Variants in TIAM2 observed in about 807,000 individuals in gnomAD.
TIAM2 encodes the protein rho guanine nucleotide exchange factor TIAM2.
In TIAM2, 80 loss-of-function variants were observed where a neutral mutation model predicts 152.9. The observed-to-expected ratio is 0.52, with a 90% confidence interval of 0.44 to 0.63. The LOEUF (loss-of-function observed/expected upper bound fraction) is 0.63, where lower values mean the gene tolerates loss of function less well. Among genes scored for constraint, TIAM2 ranks in the 30% least tolerant of loss-of-function variants. TIAM2 has a pLI of 0.00. For synonymous variants in TIAM2, 804 were observed against 838.0 expected (o/e 0.96, Z 0.70); for missense variants, 1,965 against 2,120.1 (o/e 0.93, Z 1.44).
At position 155,254,441 on chromosome 6, in the gene TIAM2, A is replaced by G. The variant is rs192204648; in HGVS notation, c.4336A>G (p.Ile1446Val). 7 of 1,612,978 alleles carry G rather than the reference A, an allele frequency of 4.3e-6. No homozygotes were observed. The East Asian group carries it at 6.7e-5, about 15-fold the overall frequency. Residue 1446 changes from isoleucine (I) to valine (V), a missense_variant, in exon 26 of 27, where the codon ATT (isoleucine) becomes GTT (valine). By Grantham distance (29) the Ile-to-Val change is conservative. Transcript: ENST00000682666. ...CAGTGACAGTGAAAGCAAAACCAAC[A>G]TTGTTAAGGTGATTCGTTCTATTCT... ...CCSDSESKTN[I>V]VKVIRSILRE...
At chr6:155,169,277 A>T (rs1780518808) in intron 9 of TIAM2, among the ~76,000 whole-genome samples, 4 of 152,190 alleles carry the variant, frequency 2.6e-5, no homozygotes, top group Admixed American at 2.6e-4. Flanking sequence ...TGACAGGGTG[A>T]GCCACAGCAC....
At chr6:155,220,099 T>C (rs1470865270) in intron 15 of TIAM2, among the ~76,000 whole-genome samples, 7 of 152,196 alleles carry the variant, frequency 4.6e-5, no homozygotes, top group African/African-American at 9.7e-5. Context: ...AAGTGGGTCC[T>C]TGGACAGAGG....
At chr6:155,089,366 C>T (rs963240706) in intron 1 of TIAM2, among the ~76,000 whole-genome samples, 4 of 152,124 alleles carry the variant, frequency 2.6e-5, no homozygotes, top group African/African-American at 7.2e-5. Context: ...GCCACCATAT[C>T]CAGCTAATTT....
At chr6:155,094,730 TTTTTTTTGTTTTTTTG>T (rs913108742) in intron 2 of TIAM2, among the ~76,000 whole-genome samples, 1 of 143,116 alleles carries the variant, frequency 7.0e-6, no homozygotes, top group South Asian at 2.2e-4. Context: ...TATGGTTTTT[TTTTTTTTGTTTTTTTG>T]TTTTTTTGTT....
intron 2 of TIAM2, among the ~76,000 whole-genome samples, chr6:155,115,887 G>T (rs952698902): frequency 6.6e-6 from 1 of 152,262 alleles, no homozygotes; most frequent in African/African-American, 2.4e-5. Flanking sequence ...CGAGGTGGGC[G>T]GCTCACCTGA....
At chr6:155,095,733 ATTAGGAATCTTCCAGC>A (rs1256125470) in intron 2 of TIAM2, among the ~76,000 whole-genome samples, 3 of 152,234 alleles carry the variant, frequency 2.0e-5, no homozygotes, top group Non-Finnish European at 4.4e-5. Flanking sequence ...AATTAAACTT[ATTAGGAATCTTCCAGC>A]TTGAACAATT....
chr6:155,088,779 C>A (rs990215777), intron 1 of TIAM2, among the ~76,000 whole-genome samples: 1 of 152,206 alleles, frequency 6.6e-6, no homozygotes, highest in Non-Finnish European at 1.5e-5. Context: ...CGTAAAATTT[C>A]TTTAAACATT....
chr6:155,218,980 G>A lies in TIAM2; in HGVS notation c.3168+7673G>A, dbSNP rs112894946. 1.5e-3 allele frequency among the ~76,000 whole-genome samples: 169 copies of A among 110,308 alleles called. No individual in the cohort carries two copies. Among genetic ancestry groups the A allele is most frequent in the African/African-American group, 6.0e-3 (163 of 27,188 alleles). The allele number at this position is 110,308 out of a possible 152,430, so 72.4% of individuals were successfully genotyped here. A position where few individuals can be genotyped will look rare whatever the true frequency, so the allele number is the denominator to read the frequency against. On this transcript the variant is annotated intron_variant, in intron 15 of 26. Coordinates refer to ENST00000682666, the MANE Select transcript of TIAM2 (RefSeq NM_012454.4). This position sits in a 1 kb window ranked among gnomAD's most constrained non-coding sequence, Gnocchi z 4.5. ...TCTTGACCATCTCAGCCGCCCACCC[G>A]TGTTCTTGACCATCTCAGCCGTGTT...
At chr6:155,182,113 C>A (rs111722632) in intron 12 of TIAM2, 113 bp from the exon 13 acceptor site, 41 of 827,904 alleles carry the variant, frequency 5.0e-5, no homozygotes, top group African/African-American at 4.6e-4. Context: ...TTTCGACTTT[C>A]TCAACATACT....
intron 14 of TIAM2, among the ~76,000 whole-genome samples, chr6:155,204,579 G>A (rs1781552247): frequency 6.6e-6 from 1 of 152,134 alleles, no homozygotes; most frequent in Admixed American, 6.5e-5. Flanking sequence ...ATTATATTAA[G>A]AATGATTTTT....
At chr6:155,193,017 C>T (rs997102134) in intron 14 of TIAM2, among the ~76,000 whole-genome samples, 3 of 152,148 alleles carry the variant, frequency 2.0e-5, no homozygotes, top group South Asian at 2.1e-4. Flanking sequence ...TTTACTCATG[C>T]GTGATTTCAT....
chr6:155,134,076 C>T (rs1398018248), intron 4 of TIAM2, among the ~76,000 whole-genome samples: 1 of 152,034 alleles, frequency 6.6e-6, no homozygotes, highest in African/African-American at 2.4e-5. Flanking sequence ...CATCAAGTTA[C>T]ATTAGCCCTT....
intron 1 of TIAM2, among the ~76,000 whole-genome samples, chr6:155,019,835 A>G (rs1469728683): frequency 6.6e-6 from 1 of 152,198 alleles, no homozygotes; most frequent in Non-Finnish European, 1.5e-5. Flanking sequence ...CGGGCGGATC[A>G]CGAGGTCAAG....
chr6:155,084,122 G>C (rs568707908), intron 1 of TIAM2, among the ~76,000 whole-genome samples: 4 of 152,240 alleles, frequency 2.6e-5, no homozygotes, highest in South Asian at 4.1e-4. Flanking sequence ...ATCTACCTGG[G>C]GCACTGCATG....
intron 15 of TIAM2, among the ~76,000 whole-genome samples, chr6:155,220,169 C>T (rs1330088458): frequency 3.3e-5 from 5 of 152,180 alleles, no homozygotes; most frequent in Admixed American, 2.6e-4. Context: ...CTAACTGGGG[C>T]CAAAGAGAAA....
chr6:155,025,812 TC>T (rs1776588777), intron 1 of TIAM2, among the ~76,000 whole-genome samples: 1 of 112,694 alleles, frequency 8.9e-6, no homozygotes. Context: ...TGTGAGCACC[TC>T]CCCCTCAAAC....
rs1310964984 is a variant in TIAM2, at chr6:155,253,012, T to G, written c.4184T>G (p.Ile1395Ser). 1.9e-6 allele frequency: 3 copies of G among 1,614,164 alleles called. No homozygotes were observed. The South Asian group carries it at 3.3e-5, about 18-fold the overall frequency. The change falls in exon 24 of 27, where the codon ATC becomes AGC. Residue 1395 changes from isoleucine (I) to serine (S), a missense_variant. By Grantham distance (142) the Ile-to-Ser change is moderately radical. Transcript: ENST00000682666. ...GACCCATTTAAATTCCGCTGGTTGA[T>G]CCCCATCTCCGCGCTTCAAGTCAGA... The part of the protein sequence containing the change: ...DLDPFKFRWL[I>S]PISALQVRLG...
chr6:155,257,150 T>C lies in TIAM2; in HGVS notation c.*29T>C. ...GATTCAATCCAGATATGGGTTAAATTCCTCATTTTACTTTTAAACTGGTGG... is the reference window on the plus strand; with the variant it reads ...GATTCAATCCAGATATGGGTTAAATCCCTCATTTTACTTTTAAACTGGTGG... On this transcript the variant is annotated 3_prime_UTR_variant, in exon 27 of 27. Coordinates refer to ENST00000682666, the MANE Select transcript of TIAM2 (RefSeq NM_012454.4). 1 of 1,580,810 alleles carries C rather than the reference T, an allele frequency of 6.3e-7. No individual in the cohort carries two copies. The highest frequency in any genetic ancestry group is 8.6e-7 in the Non-Finnish European group (1 of 1,157,676).
At chr6:155,140,081 C>T (rs1021343826) in intron 5 of TIAM2, among the ~76,000 whole-genome samples, 5 of 152,218 alleles carry the variant, frequency 3.3e-5, no homozygotes, top group Non-Finnish European at 7.3e-5. Context: ...TGATCTTTAG[C>T]TACCTCATTA....
Sources: allele counts gnomAD v4.1 joint callset (sites outside exome capture counted in the v4.1 genomes callset), GRCh38; gene constraint gnomAD v4.1.1; non-coding constraint Gnocchi (gnomAD v3.1); transcripts MANE v1.5; gene names NCBI Gene and HGNC (gene_info 2026-07-23, HGNC 2026-07-21).